PLEKHG5: variants seen among roughly 807,000 people sequenced by gnomAD.
PLEKHG5 encodes the protein pleckstrin homology domain-containing family G member 5.
Under a neutral mutation model 103.8 loss-of-function variants are expected in PLEKHG5, and 52 were observed. The observed-to-expected ratio is 0.50, with a 90% CI of 0.40 to 0.63. PLEKHG5 has a LOEUF of 0.63. Ranked by LOEUF, PLEKHG5 falls within the 30% of genes least tolerant of loss-of-function variation. PLEKHG5 has a pLI of 0.00. For missense variants in PLEKHG5, 1,205 were observed against 1,347.6 expected, an observed-to-expected ratio of 0.89 and a Z score of 1.66; for synonymous variants, 592 against 575.5, an observed-to-expected ratio of 1.03 and a Z score of -0.41.
chr1:6,509,359 T>C (rs1191694000), intron 1 of PLEKHG5, among the ~76,000 whole-genome samples: 1 of 152,228 alleles, frequency 6.6e-6, no homozygotes, highest in East Asian at 1.9e-4. Flanking sequence ...TTCCTGGCAA[T>C]GGCCTTGGAC....
chr1:6,480,789 C>T (rs1644878739), intron 1 of PLEKHG5, among the ~76,000 whole-genome samples: 1 of 151,786 alleles, frequency 6.6e-6, no homozygotes, highest in East Asian at 2.0e-4. Context: ...GCTGGGACTA[C>T]AGGCATGTAC....
chr1:6,511,353 A>G (rs1465906083), intron 1 of PLEKHG5, among the ~76,000 whole-genome samples: 1 of 152,146 alleles, frequency 6.6e-6, no homozygotes, highest in Non-Finnish European at 1.5e-5. Flanking sequence ...CACCACCAAC[A>G]AGGACGGTCA....
Position 6,471,625 on chromosome 1 carries a change from G to A in PLEKHG5, c.1144C>T (p.Arg382Cys), listed in dbSNP as rs866387940. Residue 382 changes from arginine to cysteine, a missense_variant, in exon 12 of 21, where the codon CGC (arginine) becomes TGC (cysteine). Transcript: ENST00000377728. ...SGLLCEVEAE[R>C]LFSNIPEIAQ... ...ATCTCCGGGATGTTGCTGAACAGGCGCTCCGCCTCCACCTGGGCGCGGCGG... is the reference window on the plus strand; with the variant it reads ...ATCTCCGGGATGTTGCTGAACAGGCACTCCGCCTCCACCTGGGCGCGGCGG... 2.5e-6 allele frequency: 4 copies of A among 1,589,018 alleles called. No homozygotes were observed. The highest frequency in any genetic ancestry group is 1.3e-5 in the African/African-American group (1 of 74,614).
intron 1 of PLEKHG5, chr1:6,485,340 CG>C: frequency 7.0e-7 from 1 of 1,428,226 alleles, no homozygotes. Flanking sequence ...ATCACCGTCG[CG>C]GGCACGACCC....
At chr1:6,512,482 C>G (rs189493306) in intron 1 of PLEKHG5, among the ~76,000 whole-genome samples, 170 of 152,310 alleles carry the variant, frequency 1.1e-3, no homozygotes, top group African/African-American at 3.6e-3. Context: ...GGAAGCCAGA[C>G]AGTGGGGCCC....
At chr1:6,489,833 C>T (rs1267352271) in intron 1 of PLEKHG5, among the ~76,000 whole-genome samples, 2 of 152,200 alleles carry the variant, frequency 1.3e-5, no homozygotes, top group Non-Finnish European at 2.9e-5. Context: ...GCCCGGACCC[C>T]GGCTAAAGGG....
At chr1:6,497,160 G>A, upstream of PLEKHG5, 2 of 963,744 alleles carry the variant, frequency 2.1e-6, no homozygotes, top group Admixed American at 2.0e-5. The surrounding 1 kb of genome is among the most constrained non-coding windows in gnomAD (Gnocchi z 6.1). Flanking sequence ...TGCTGCCGAG[G>A]CAGGCCCCGA....
At chr1:6,472,485 G>C (rs757151159) in intron 10 of PLEKHG5, 42 bp downstream of exon 10, 5 of 1,351,426 alleles carry the variant, frequency 3.7e-6, no homozygotes, top group Non-Finnish European at 3.2e-6. Context: ...TCAGAAAGAG[G>C]GGGGCAGGGT....
chr1:6,483,192 T>A (rs1569927885), intron 1 of PLEKHG5, among the ~76,000 whole-genome samples: 2 of 152,206 alleles, frequency 1.3e-5, no homozygotes, highest in Non-Finnish European at 2.9e-5. Context: ...GGCACAGGAC[T>A]GGCAGTCGGC....
chr1:6,484,603 G>C (rs1228259397), intron 1 of PLEKHG5, among the ~76,000 whole-genome samples: 1 of 151,962 alleles, frequency 6.6e-6, no homozygotes, highest in Non-Finnish European at 1.5e-5. Context: ...AGTCTCCCCA[G>C]CTCCCTCCAG....
At chr1:6,477,793 T>TC (rs1292357483) in intron 1 of PLEKHG5, 135 bp from the exon 2 acceptor site, 2 of 780,770 alleles carry the variant, frequency 2.6e-6, no homozygotes. Context: ...CCCCCAGCAG[T>TC]CCCCCCTCTC....
At chr1:6,499,871 C>T (rs1406290662), upstream of PLEKHG5, among the ~76,000 whole-genome samples, 1 of 152,164 alleles carries the variant, frequency 6.6e-6, no homozygotes, top group Non-Finnish European at 1.5e-5. Flanking sequence ...GTGATCAGGG[C>T]TCACTGCAGC....
chr1:6,509,284 G>A (rs1638410771), intron 1 of PLEKHG5, among the ~76,000 whole-genome samples: 1 of 152,258 alleles, frequency 6.6e-6, no homozygotes, highest in Non-Finnish European at 1.5e-5. Flanking sequence ...GCATCCCCTG[G>A]CCTGGGGCTG....
intron 1 of PLEKHG5, among the ~76,000 whole-genome samples, chr1:6,509,074 C>T (rs960523167): frequency 2.0e-5 from 3 of 152,226 alleles, no homozygotes; most frequent in African/African-American, 7.2e-5. Context: ...GGCTGCTCTC[C>T]CACAGCCCCA....
chr1:6,509,029 A>C (rs1309565614), intron 1 of PLEKHG5, among the ~76,000 whole-genome samples: 1 of 152,164 alleles, frequency 6.6e-6, no homozygotes, highest in African/African-American at 2.4e-5. Context: ...AGGGAGCTAG[A>C]GGCCCGAGAG....
At chr1:6,511,043 C>T (rs1047844590) in intron 1 of PLEKHG5, among the ~76,000 whole-genome samples, 5 of 151,936 alleles carry the variant, frequency 3.3e-5, no homozygotes, top group Middle Eastern at 3.2e-3. Context: ...GAGCCGAGAT[C>T]GCGCCACTAC....
intron 5 of PLEKHG5, 192 bp from the exon 6 acceptor site, chr1:6,474,779 AT>A (rs1644710576): frequency 1.5e-6 from 1 of 675,356 alleles, no homozygotes; most frequent in Non-Finnish European, 2.6e-6. Context: ...ACACAGGCGC[AT>A]CTGCATACCA....
chr1:6,481,913 T>C (rs1238840496), intron 1 of PLEKHG5, among the ~76,000 whole-genome samples: 1 of 150,358 alleles, frequency 6.7e-6, no homozygotes, highest in African/African-American at 2.4e-5. Flanking sequence ...CAGTCTTTTA[T>C]GACATTGACT....
Position 6,469,320 on chromosome 1 carries a change from C to G in PLEKHG5, c.2049+15G>C, listed in dbSNP as rs756830347. 1.9e-6 allele frequency: 3 copies of G among 1,613,512 alleles called. No homozygotes were observed. The highest frequency in any genetic ancestry group is 2.5e-6 in the Non-Finnish European group (3 of 1,179,432). On this transcript the variant is annotated intron_variant, in intron 18 of 20. Transcript: ENST00000377728. ...CTAATCTGCCTTGCCCACCCACTCA[C>G]TACTCTGCACTCACCTGGGCATTGT...
Sources: gnomAD v4.1 joint callset for allele counts (sites outside exome capture counted in the v4.1 genomes callset) on GRCh38, gnomAD v4.1.1 for gene constraint, Gnocchi (gnomAD v3.1) non-coding constraint, MANE v1.5 for transcripts, NCBI Gene and HGNC (gene_info 2026-07-23, HGNC 2026-07-21) for gene names.